Variants in FHOD3 observed in about 807,000 individuals in gnomAD.
FHOD3 encodes the protein FH1/FH2 domain-containing protein 3.
FHOD3 carries 90 observed loss-of-function variants against 173.0 expected under a neutral mutation model. That is an observed-to-expected ratio of 0.52 (90% CI 0.44 to 0.62). The LOEUF is 0.62. Ranked by LOEUF, FHOD3 falls within the 20% of genes least tolerant of loss-of-function variation. FHOD3 has a pLI of 0.00. For synonymous variants in FHOD3, 828 were observed against 823.0 expected (o/e 1.01, Z -0.10); for missense variants, 1,945 against 2,034.7 (o/e 0.96, Z 0.85).
intron 1 of FHOD3, among the ~76,000 whole-genome samples, chr18:36,301,801 A>T (rs1166590614): frequency 6.6e-6 from 1 of 152,392 alleles, no homozygotes; most frequent in East Asian, 1.9e-4. Context: ...CAACACTGGA[A>T]CTGTAGAATA....
intron 3 of FHOD3, among the ~76,000 whole-genome samples, chr18:36,473,911 T>C (rs986323775): frequency 2.0e-5 from 3 of 152,204 alleles, no homozygotes; most frequent in African/African-American, 7.2e-5. Context: ...GAAGCATCCT[T>C]GGGTATTAGT....
Position 36,483,472 on chromosome 18 carries a change from A to G in FHOD3, c.338-18460A>G, listed in dbSNP as rs75336429. ...TTGCTAGCCCAGTATCTTTTTGTGT[A>G]TTGCTGTCTATTACTTTATCCATCT... On this transcript the variant is annotated intron_variant, in intron 3 of 28. Coordinates refer to ENST00000590592, the MANE Select transcript of FHOD3 (RefSeq NM_001281740.3). Among the ~76,000 whole-genome samples, 413 of 152,246 alleles carry G rather than the reference A, an allele frequency of 2.7e-3. 1 individual carries two copies. The highest frequency in any genetic ancestry group is 8.7e-3 in the African/African-American group (360 of 41,544).
rs755019342 is a variant in FHOD3, at chr18:36,512,439, A to C, written c.407A>C (p.Asp136Ala). 1.2e-6 allele frequency: 2 copies of C among 1,613,184 alleles called. No homozygotes were observed. The highest frequency in any genetic ancestry group is 2.2e-5 in the South Asian group (2 of 91,050). The change falls in exon 5 of 29, where the codon GAT (aspartate) becomes GCT (alanine). Residue 136 changes from aspartate to alanine, a missense_variant and splice_region_variant. Physicochemically the swap from Asp to Ala is moderately radical, Grantham distance 126 (BLOSUM62 -2). Coordinates refer to ENST00000590592, the MANE Select transcript of FHOD3 (RefSeq NM_001281740.3). ...TATTTTTGTTTTCTTTCCTGCCAGG[A>C]TGACAAGGATTTGGTGCATGAATTT... ...ALFSLKQIFQ[D>A]DKDLVHEFVV... is the part of the protein sequence containing the mutation.
At chr18:36,588,011 C>T (rs2059097816) in intron 6 of FHOD3, among the ~76,000 whole-genome samples, 1 of 152,204 alleles carries the variant, frequency 6.6e-6, no homozygotes, top group South Asian at 2.1e-4. Flanking sequence ...TCATGACTTC[C>T]TGTTCTGGTG....
chr18:36,656,605 T>C (rs1313609063), intron 13 of FHOD3, among the ~76,000 whole-genome samples: 1 of 152,216 alleles, frequency 6.6e-6, no homozygotes, highest in African/African-American at 2.4e-5. Flanking sequence ...ATTTCATCTC[T>C]CTATTCTTTT....
In FHOD3 at chr18:36,391,014, C is replaced by T. The variant is rs73949464; in HGVS notation, c.337+18270C>T. On this transcript the variant is annotated intron_variant, in intron 3 of 28. Coordinates refer to ENST00000590592, the MANE Select transcript of FHOD3 (RefSeq NM_001281740.3). Reference sequence around the variant, plus strand: ...CCATGAATATTCACCAGAAAGTGATCGTTGTCTCCGATGGGTAATTAGGAT... The same window carrying T: ...CCATGAATATTCACCAGAAAGTGATTGTTGTCTCCGATGGGTAATTAGGAT... 3.2e-3 allele frequency among the ~76,000 whole-genome samples: 483 copies of T among 152,340 alleles called. 3 individuals are homozygous for T. Among genetic ancestry groups the T allele is most frequent in the African/African-American group, 0.011 (453 of 41,574 alleles).
chr18:36,484,214 A>G (rs960842006), intron 3 of FHOD3, among the ~76,000 whole-genome samples: 1 of 152,202 alleles, frequency 6.6e-6, no homozygotes, highest in African/African-American at 2.4e-5. Flanking sequence ...AACCTGTGCC[A>G]CTTGTTGCTT....
chr18:36,328,591 A>G (rs1465505172), intron 1 of FHOD3, among the ~76,000 whole-genome samples: 1 of 152,160 alleles, frequency 6.6e-6, no homozygotes, highest in Non-Finnish European at 1.5e-5. Context: ...TCATACCACA[A>G]GAGATCCCTC....
At chr18:36,744,959 A>C (rs567376084) in intron 23 of FHOD3, among the ~76,000 whole-genome samples, 2 of 152,332 alleles carry the variant, frequency 1.3e-5, no homozygotes, top group Non-Finnish European at 2.9e-5. Context: ...CACAGCAACC[A>C]GGCTAGTGTG....
At chr18:36,469,419 A>G (rs2053146002) in intron 3 of FHOD3, among the ~76,000 whole-genome samples, 1 of 151,304 alleles carries the variant, frequency 6.6e-6, no homozygotes, top group Non-Finnish European at 1.5e-5. Context: ...CCGGTGCTCC[A>G]ACTGGGAGGT....
intron 28 of FHOD3, 37 bp from the exon 29 acceptor site, chr18:36,779,411 C>G: frequency 6.2e-7 from 1 of 1,602,388 alleles, no homozygotes; most frequent in South Asian, 1.1e-5. Flanking sequence ...TCCTTTTCTT[C>G]TCATCCCTTT....
intron 1 of FHOD3, among the ~76,000 whole-genome samples, chr18:36,353,316 A>C (rs961382313): frequency 6.6e-6 from 1 of 152,240 alleles, no homozygotes; most frequent in African/African-American, 2.4e-5. Flanking sequence ...AATAAAGAAG[A>C]AATTCCTTTC....
chr18:36,568,362 A>T (rs2058344126), intron 5 of FHOD3, among the ~76,000 whole-genome samples: 1 of 143,018 alleles, frequency 7.0e-6, no homozygotes, highest in Non-Finnish European at 1.5e-5. Context: ...AAAAAAAAAA[A>T]AAAAAGGTGG....
chr18:36,429,325 A>G (rs747918134), intron 3 of FHOD3, among the ~76,000 whole-genome samples: 19 of 152,238 alleles, frequency 1.2e-4, no homozygotes, highest in Admixed American at 3.3e-4. Context: ...AAACTTCAGT[A>G]GGAAAAGAGA....
chr18:36,729,740 C>T (rs1225066473), intron 19 of FHOD3, among the ~76,000 whole-genome samples: 1 of 152,192 alleles, frequency 6.6e-6, no homozygotes, highest in Non-Finnish European at 1.5e-5. Context: ...CTCCAAATAT[C>T]ATCACTTTGG....
intron 1 of FHOD3, 88 bp downstream of exon 1, chr18:36,298,088 C>A (rs1368364105): frequency 8.0e-7 from 1 of 1,257,580 alleles, no homozygotes; most frequent in African/African-American, 1.6e-5. Context: ...TTCGTGGGCC[C>A]CCTGGGCTGG....
At chr18:36,344,523 A>G (rs1598781313) in intron 1 of FHOD3, among the ~76,000 whole-genome samples, 1 of 152,220 alleles carries the variant, frequency 6.6e-6, no homozygotes, top group Admixed American at 6.5e-5. Flanking sequence ...CATATTATCT[A>G]TAGGATAAAT....
At chr18:36,571,289 C>G (rs1386666953) in intron 5 of FHOD3, among the ~76,000 whole-genome samples, 1 of 152,058 alleles carries the variant, frequency 6.6e-6, no homozygotes, top group Non-Finnish European at 1.5e-5. Context: ...AGAATGTGAA[C>G]TACTTATAAT....
At chr18:36,316,306 T>C (rs530994031) in intron 1 of FHOD3, among the ~76,000 whole-genome samples, 1 of 151,952 alleles carries the variant, frequency 6.6e-6, no homozygotes, top group South Asian at 2.1e-4. Context: ...TTTAGCCCCA[T>C]GCATGCCCAG....
Sources: allele counts gnomAD v4.1 joint callset (sites outside exome capture counted in the v4.1 genomes callset), GRCh38; gene constraint gnomAD v4.1.1; transcripts MANE v1.5; gene names NCBI Gene and HGNC (gene_info 2026-07-23, HGNC 2026-07-21).